The following CACNA1C variants were observed in gnomAD, a reference collection of about 807,000 sequenced individuals.
CACNA1C encodes calcium voltage-gated channel subunit alpha1 C, also known as voltage-dependent L-type calcium channel subunit alpha-1C.
In CACNA1C, 30 loss-of-function variants were observed where a neutral mutation model predicts 229.0. The observed-to-expected ratio is 0.13, with a 90% CI of 0.10 to 0.18. The LOEUF (loss-of-function observed/expected upper bound fraction) is 0.18, where lower values mean the gene tolerates loss of function less well. Among genes scored for constraint, CACNA1C ranks in the 10% least tolerant of loss-of-function variants. The probability of loss-of-function intolerance (pLI) is 1.00; values close to 1 mark genes in which losing one functional copy is unlikely to be tolerated. For synonymous variants in CACNA1C, 1,114 were observed against 1,132.5 expected, an observed-to-expected ratio of 0.98 and a Z score of 0.33; for missense variants, 1,658 against 2,845.0, an observed-to-expected ratio of 0.58 and a Z score of 9.49.
intron 3 of CACNA1C, among the ~76,000 whole-genome samples, chr12:2,399,789 T>C (rs2098650807): frequency 6.6e-6 from 1 of 152,230 alleles, no homozygotes; most frequent in South Asian, 2.1e-4. Context: ...TTTTCTTCCC[T>C]GCCTCCTGGC....
intron 3 of CACNA1C, among the ~76,000 whole-genome samples, chr12:2,176,932 A>C (rs767970648): frequency 4.7e-4 from 71 of 152,186 alleles, no homozygotes; most frequent in Non-Finnish European, 5.0e-4. Flanking sequence ...GGAACTTCTC[A>C]TGATTCCAGA....
chr12:2,576,831 C>A (rs1301751891), intron 13 of CACNA1C, among the ~76,000 whole-genome samples: 2 of 152,174 alleles, frequency 1.3e-5, no homozygotes, highest in African/African-American at 4.8e-5. Context: ...TAGTGAGCCC[C>A]CACCCTCAAC....
intron 37 of CACNA1C, among the ~76,000 whole-genome samples, chr12:2,667,725 GTGCGA>G (rs1318317815): frequency 1.3e-5 from 2 of 152,182 alleles, no homozygotes; most frequent in Non-Finnish European, 2.9e-5. Flanking sequence ...TGAAGCCTGG[GTGCGA>G]AACTTTCCGG....
At chr12:2,318,687 C>T (rs1302940992) in intron 3 of CACNA1C, among the ~76,000 whole-genome samples, 3 of 152,044 alleles carry the variant, frequency 2.0e-5, no homozygotes, top group Admixed American at 6.5e-5. Context: ...AGGCGCCACA[C>T]GGCACCTAGA....
At chr12:2,245,075 G>C (rs766545548) in intron 3 of CACNA1C, among the ~76,000 whole-genome samples, 3 of 152,208 alleles carry the variant, frequency 2.0e-5, no homozygotes, top group Non-Finnish European at 4.4e-5. Context: ...GTCTAGGAAA[G>C]TGCAAAAGAG....
At chr12:2,169,600 T>A (rs1311837599) in intron 3 of CACNA1C, among the ~76,000 whole-genome samples, 1 of 152,220 alleles carries the variant, frequency 6.6e-6, no homozygotes, top group African/African-American at 2.4e-5. Context: ...GAATTGGATT[T>A]GGCAGAAATA....
At chr12:2,305,444 C>T (rs931555624) in intron 3 of CACNA1C, among the ~76,000 whole-genome samples, 1 of 152,230 alleles carries the variant, frequency 6.6e-6, no homozygotes, top group Non-Finnish European at 1.5e-5. Flanking sequence ...GTTGATTTGT[C>T]CTACCTGGGG....
intron 21 of CACNA1C, among the ~76,000 whole-genome samples, chr12:2,600,043 C>T (rs1340872071): frequency 6.6e-6 from 1 of 152,192 alleles, no homozygotes; most frequent in Admixed American, 6.5e-5. Flanking sequence ...TCTGTTAGAG[C>T]TCAGTAGTAG....
At chr12:2,298,866 C>T (rs1428917524) in intron 3 of CACNA1C, among the ~76,000 whole-genome samples, 2 of 152,214 alleles carry the variant, frequency 1.3e-5, no homozygotes, top group Non-Finnish European at 2.9e-5. Flanking sequence ...TGCCTGGCCA[C>T]TCCAATCTTG....
At chr12:2,294,274 T>C (rs1396452133) in intron 3 of CACNA1C, among the ~76,000 whole-genome samples, 1 of 152,096 alleles carries the variant, frequency 6.6e-6, no homozygotes, top group Non-Finnish European at 1.5e-5. Context: ...CGAGAAGACA[T>C]GGCAGCGGTG....
chr12:2,281,307 G>A (rs545871567), intron 3 of CACNA1C, among the ~76,000 whole-genome samples: 1 of 152,036 alleles, frequency 6.6e-6, no homozygotes, highest in Non-Finnish European at 1.5e-5. Flanking sequence ...TTTTTGTTTA[G>A]GCAGTCAATG....
chr12:2,295,499 G>A (rs2093953945), intron 3 of CACNA1C, among the ~76,000 whole-genome samples: 1 of 152,136 alleles, frequency 6.6e-6, no homozygotes, highest in South Asian at 2.1e-4. Context: ...GAATTTTCTT[G>A]TACTTCCTTT....
intron 3 of CACNA1C, among the ~76,000 whole-genome samples, chr12:2,388,640 A>G (rs1346361266): frequency 1.3e-5 from 2 of 152,176 alleles, no homozygotes; most frequent in Admixed American, 6.5e-5. Flanking sequence ...TTCATGGTCC[A>G]TGTTGGGTTT....
chr12:2,078,131 A>T (rs945435126), intron 1 of CACNA1C, among the ~76,000 whole-genome samples: 3 of 152,222 alleles, frequency 2.0e-5, no homozygotes, highest in Middle Eastern at 3.4e-3. Flanking sequence ...GGCCTTCCTG[A>T]TGGGATTAGT....
intron 13 of CACNA1C, among the ~76,000 whole-genome samples, chr12:2,579,358 G>A (rs536447578): frequency 7.2e-5 from 11 of 152,110 alleles, no homozygotes; most frequent in South Asian, 4.2e-4. Flanking sequence ...CTCTTCCCTC[G>A]GATACAGCTG....
upstream of CACNA1C, among the ~76,000 whole-genome samples, chr12:2,050,767 T>C (rs1328615072): frequency 6.6e-6 from 1 of 152,188 alleles, no homozygotes; most frequent in Non-Finnish European, 1.5e-5. Flanking sequence ...CCAGGGGCAC[T>C]TGCATTTTAC....
chr12:2,220,455 GAC>G (rs1342508952), intron 3 of CACNA1C: 1 of 152,638 alleles, frequency 6.6e-6, no homozygotes, highest in Non-Finnish European at 1.5e-5. Context: ...AAGAGGTGCT[GAC>G]ACTAGATGTG....
intron 3 of CACNA1C, among the ~76,000 whole-genome samples, chr12:2,421,323 CTCAG>C (rs2098976930): frequency 6.6e-6 from 1 of 152,224 alleles, no homozygotes; most frequent in Non-Finnish European, 1.5e-5. Context: ...AAAAGCAAGA[CTCAG>C]TCAATGTCTG....
intron 10 of CACNA1C, among the ~76,000 whole-genome samples, chr12:2,555,937 A>G (rs960853304): frequency 6.6e-6 from 1 of 151,640 alleles, no homozygotes; most frequent in Non-Finnish European, 1.5e-5. Flanking sequence ...TTTCCTCCCC[A>G]TGCCTCTCCT....
Sources: allele counts gnomAD v4.1 joint callset (sites outside exome capture counted in the v4.1 genomes callset), GRCh38; gene constraint gnomAD v4.1.1; transcripts MANE v1.5; gene names NCBI Gene and HGNC (gene_info 2026-07-23, HGNC 2026-07-21).